Variants in RALYL observed in about 807,000 individuals in gnomAD.
RALYL encodes the protein RNA-binding Raly-like protein.
RALYL carries 29 observed loss-of-function variants against 35.1 expected under a neutral mutation model. That is an observed-to-expected ratio of 0.83 (90% CI 0.61 to 1.13). The LOEUF (loss-of-function observed/expected upper bound fraction) is 1.13. RALYL is among the 50% of genes most tolerant of loss of function. RALYL has a pLI of 0.00. For synonymous variants in RALYL, 120 were observed against 127.6 expected (o/e 0.94, Z 0.40); for missense variants, 359 against 360.4 (o/e 1.00, Z 0.03).
intron 2 of RALYL, among the ~76,000 whole-genome samples, chr8:84,690,599 T>A (rs985338167): frequency 1.3e-5 from 2 of 152,132 alleles, no homozygotes; most frequent in Non-Finnish European, 2.9e-5. Flanking sequence ...TATACAATTA[T>A]AAATTGTAAA....
At chr8:84,878,922 G>A (rs1841694493) in intron 7 of RALYL, among the ~76,000 whole-genome samples, 1 of 152,078 alleles carries the variant, frequency 6.6e-6, no homozygotes, top group African/African-American at 2.4e-5. Flanking sequence ...TACCTATGTG[G>A]GAACCCAAGG....
In RALYL at chr8:84,688,042, ACACT is replaced by A. The variant is rs560083864; in HGVS notation, c.257-86534_257-86531del. Among the ~76,000 whole-genome samples, 30 of 152,220 alleles carry A rather than the reference ACACT, an allele frequency of 2.0e-4. No homozygotes were observed. In the East Asian group the frequency reaches 5.0e-3, roughly 25 times the overall value. On this transcript the variant is annotated intron_variant, in intron 2 of 8. Coordinates refer to ENST00000521268, the MANE Select transcript of RALYL (RefSeq NM_173848.7). ...AAAAAGAATTTAAATGGACAAATGGACACTCAAAGTATTTCATTTATTTAATTCC... is the reference window on the plus strand; with the variant it reads ...AAAAAGAATTTAAATGGACAAATGGACAAAGTATTTCATTTATTTAATTCC...
At chr8:84,496,641 A>G (rs2056057700) in intron 1 of RALYL, among the ~76,000 whole-genome samples, 1 of 152,158 alleles carries the variant, frequency 6.6e-6, no homozygotes, top group Non-Finnish European at 1.5e-5. Context: ...CACAACATAC[A>G]TTATTATTCT....
intron 2 of RALYL, among the ~76,000 whole-genome samples, chr8:84,570,201 A>T (rs900783866): frequency 3.3e-5 from 5 of 151,818 alleles, no homozygotes. Flanking sequence ...AACAATATTG[A>T]TACTTTCAAT....
At chr8:84,433,876 A>G (rs1386044050) in intron 1 of RALYL, among the ~76,000 whole-genome samples, 1 of 151,508 alleles carries the variant, frequency 6.6e-6, no homozygotes, top group Non-Finnish European at 1.5e-5. Flanking sequence ...ACCATGTGTA[A>G]CATTTGAAAA....
intron 3 of RALYL, among the ~76,000 whole-genome samples, chr8:84,791,789 T>TA (rs1054271905): frequency 2.9e-4 from 44 of 151,492 alleles, no homozygotes; most frequent in South Asian, 1.3e-3. Context: ...TTTATTAACT[T>TA]AAAAAAAAAC....
At chr8:84,570,108 TCTAATTCTGTGAAA>T (rs1412195605) in intron 2 of RALYL, among the ~76,000 whole-genome samples, 3 of 151,952 alleles carry the variant, frequency 2.0e-5, no homozygotes, top group Admixed American at 2.0e-4. Context: ...GGATTGGTTT[TCTAATTCTGTGAAA>T]AATGACATTA....
chr8:84,455,084 C>T (rs1293646133), intron 1 of RALYL, among the ~76,000 whole-genome samples: 2 of 151,928 alleles, frequency 1.3e-5, no homozygotes, highest in Admixed American at 6.6e-5. Context: ...ATGAGCCAGG[C>T]GCTGCACAGA....
In RALYL at chr8:84,612,419, T is replaced by C. The variant is rs575097493; in HGVS notation, c.256+82842T>C. 4.6e-5 allele frequency among the ~76,000 whole-genome samples: 7 copies of C among 151,994 alleles called. No individual in the cohort carries two copies. In the East Asian group the frequency reaches 1.4e-3, roughly 29 times the overall value. ...TTGTAACACTTTCCCTGTGACAAAC[T>C]CCCCCTTTTGTAGGCTTTGTTGCTG... On this transcript the variant is annotated intron_variant, in intron 2 of 8. Coordinates refer to ENST00000521268, the MANE Select transcript of RALYL (RefSeq NM_173848.7).
intron 1 of RALYL, among the ~76,000 whole-genome samples, chr8:84,430,012 T>TA (rs879295888): frequency 9.9e-4 from 140 of 141,070 alleles, no homozygotes; most frequent in East Asian, 2.4e-3. Context: ...AGAGTTTGCT[T>TA]AAAAAAAAAA....
At chr8:84,476,383 C>G (rs183596923) in intron 1 of RALYL, among the ~76,000 whole-genome samples, 108 of 152,258 alleles carry the variant, frequency 7.1e-4, no homozygotes, top group Admixed American at 1.9e-3. Context: ...TGCTTTGACT[C>G]TTATGGAAAA....
chr8:84,778,345 T>C (rs1817339006), intron 3 of RALYL, among the ~76,000 whole-genome samples: 1 of 152,186 alleles, frequency 6.6e-6, no homozygotes, highest in South Asian at 2.1e-4. Context: ...TAATAGGATT[T>C]TCAACTCAGC....
chr8:84,237,127 A>G (rs1190067662), intron 1 of RALYL, among the ~76,000 whole-genome samples: 1 of 152,230 alleles, frequency 6.6e-6, no homozygotes, highest in African/African-American at 2.4e-5. Context: ...ATTTTAAGAT[A>G]CTTCTTAATG....
chr8:84,453,143 CAT>C (rs1031614913), intron 1 of RALYL, among the ~76,000 whole-genome samples: 9 of 151,936 alleles, frequency 5.9e-5, no homozygotes, highest in South Asian at 4.1e-4. Flanking sequence ...ATTTTAAACA[CAT>C]GTGTATATGT....
chr8:84,646,455 G>A (rs77728030), intron 2 of RALYL, among the ~76,000 whole-genome samples: 2,170 of 152,024 alleles, frequency 0.014, 61 homozygotes, highest in African/African-American at 0.048. Flanking sequence ...AATTTAGTTT[G>A]GGGGATTGTA....
At chr8:84,637,614 A>AG in intron 2 of RALYL, among the ~76,000 whole-genome samples, 1 of 151,980 alleles carries the variant, frequency 6.6e-6, no homozygotes, top group East Asian at 1.9e-4. Context: ...GGGGCTTTAA[A>AG]GGGGGAATTT....
intron 1 of RALYL, among the ~76,000 whole-genome samples, chr8:84,440,869 C>G (rs982007015): frequency 6.6e-6 from 1 of 151,860 alleles, no homozygotes; most frequent in Non-Finnish European, 1.5e-5. Context: ...TTTCATTTAA[C>G]TTGATTTAAT....
intron 5 of RALYL, among the ~76,000 whole-genome samples, chr8:84,851,305 T>C (rs1191082465): frequency 1.3e-5 from 2 of 152,202 alleles, no homozygotes; most frequent in East Asian, 1.9e-4. Flanking sequence ...TTATTATTTA[T>C]GCATTTATTT....
chr8:84,617,977 C>T (rs1269592413), intron 2 of RALYL, among the ~76,000 whole-genome samples: 4 of 151,762 alleles, frequency 2.6e-5, no homozygotes, highest in East Asian at 3.9e-4. Flanking sequence ...TTTTGATGTG[C>T]TGCTGGATTC....
Sources: gnomAD v4.1 joint callset for allele counts (sites outside exome capture counted in the v4.1 genomes callset) on GRCh38, gnomAD v4.1.1 for gene constraint, MANE v1.5 for transcripts, NCBI Gene and HGNC (gene_info 2026-07-23, HGNC 2026-07-21) for gene names.